The following ZNF682 variants were observed in gnomAD, a reference collection of about 807,000 sequenced individuals.
ZNF682 encodes the protein zinc finger protein 682.
In ZNF682, 29 loss-of-function variants were observed where a neutral mutation model predicts 36.5. The observed-to-expected ratio is 0.80, with a 90% CI of 0.59 to 1.08. ZNF682 has a LOEUF of 1.08. Ranked by LOEUF, ZNF682 falls within the 50% of genes least tolerant of loss-of-function variation. The pLI is 0.00. For synonymous variants in ZNF682, 180 were observed against 197.0 expected (o/e 0.91, Z 0.72); for missense variants, 561 against 579.7 (o/e 0.97, Z 0.33).
At chr19:20,024,438 GA>G in intron 1 of ZNF682, 62 bp from the exon 2 acceptor site, 3 of 1,533,272 alleles carry the variant, frequency 2.0e-6, no homozygotes, top group Non-Finnish European at 2.6e-6. Flanking sequence ...GACTCCATGT[GA>G]AAAGAGAGAA....
chr19:20,005,770 G>T lies in ZNF682; in HGVS notation c.*235C>A. 1 of 525,650 alleles carries T rather than the reference G, an allele frequency of 1.9e-6. No homozygotes were observed. Among genetic ancestry groups the T allele is most frequent in the South Asian group, 2.8e-5 (1 of 35,564 alleles). The allele number at this position is 525,650 out of a possible 1,614,324, so 32.6% of individuals were successfully genotyped here. A position where few individuals can be genotyped will look rare whatever the true frequency, so the allele number is the denominator to read the frequency against. On this transcript the variant is annotated 3_prime_UTR_variant, in exon 4 of 4. Coordinates refer to ENST00000397165, the MANE Select transcript of ZNF682 (RefSeq NM_033196.3). ...CTAGCACAAAACCTCTGATGAGTAAGTTCATAGTAGTTATTAAATGCTTTG... is the reference window on the plus strand; with the variant it reads ...CTAGCACAAAACCTCTGATGAGTAATTTCATAGTAGTTATTAAATGCTTTG...
chr19:20,039,504 G>A lies in ZNF682; in HGVS notation c.-159C>T, dbSNP rs2088565455. The A allele has an allele frequency of 3.2e-6, 3 of 944,744 alleles. No homozygotes were observed. In the South Asian group the frequency reaches 5.6e-5, roughly 18 times the overall value. The allele number at this position is 944,744 out of a possible 1,614,324, so 58.5% of individuals were successfully genotyped here. A position where few individuals can be genotyped will look rare whatever the true frequency, so the allele number is the denominator to read the frequency against. ...GAGCTCTGGCTGGAGCGAGACAAAG[G>A]CCCCGCCAGCTCCAGGACACCGCCC... On this transcript the variant is annotated 5_prime_UTR_variant, in exon 1 of 4. Coordinates refer to ENST00000397165, the MANE Select transcript of ZNF682 (RefSeq NM_033196.3).
chr19:20,012,016 G>A (rs533868495), intron 3 of ZNF682, among the ~76,000 whole-genome samples: 24 of 151,884 alleles, frequency 1.6e-4, no homozygotes, highest in African/African-American at 5.8e-4. Flanking sequence ...CAGCCTGGGT[G>A]ACAGAGTGAG....
At chr19:20,000,921 A>G (rs763185161), downstream of ZNF682, among the ~76,000 whole-genome samples, 4 of 152,204 alleles carry the variant, frequency 2.6e-5, no homozygotes, top group South Asian at 8.3e-4. Flanking sequence ...CTTGGCCAGC[A>G]CTGGGCTGTG....
In ZNF682 at chr19:20,006,469, C is replaced by T. The variant is rs1479077939; in HGVS notation, c.1033G>A (p.Glu345Lys). ...GATGAGTTAAAAGCTTTGCCACATT[C>T]TTCACATTTATAGGGTTTCTCTCCC... ...HTGEKPYKCE[E>K]CGKAFNSSSI... Residue 345 changes from glutamate (E) to lysine (K), a missense_variant, in exon 4 of 4, where the codon GAA (glutamate) becomes AAA (lysine). Transcript: ENST00000397165. 1 of 1,613,902 alleles carries T rather than the reference C, an allele frequency of 6.2e-7. No individual in the cohort carries two copies. Among genetic ancestry groups the T allele is most frequent in the Admixed American group, 1.7e-5 (1 of 59,998 alleles).
chr19:20,015,990 A>G (rs2088331357), intron 3 of ZNF682: 2 of 378,022 alleles, frequency 5.3e-6, no homozygotes, highest in Admixed American at 4.5e-5. Context: ...AAATGCAAAG[A>G]AAGCTTTTTA....
chr19:20,019,137 G>A (rs1205642075), intron 3 of ZNF682, among the ~76,000 whole-genome samples: 2 of 152,110 alleles, frequency 1.3e-5, no homozygotes, highest in Non-Finnish European at 2.9e-5. Flanking sequence ...ATAAGCATTT[G>A]AAAGGATGCT....
intron 2 of ZNF682, among the ~76,000 whole-genome samples, 161 bp downstream of exon 2, chr19:20,024,089 G>GA (rs2088410768): frequency 6.6e-6 from 1 of 152,176 alleles, no homozygotes; most frequent in Non-Finnish European, 1.5e-5. Flanking sequence ...AAAACATCTT[G>GA]AAAATTTTCT....
chr19:20,029,099 C>G (rs2088457332), intron 1 of ZNF682, among the ~76,000 whole-genome samples: 1 of 151,652 alleles, frequency 6.6e-6, no homozygotes, highest in African/African-American at 2.4e-5. Flanking sequence ...CTGCCTCAGC[C>G]TCCTGAGTCA....
chr19:20,025,159 C>T (rs937599077), intron 1 of ZNF682, among the ~76,000 whole-genome samples: 5 of 152,216 alleles, frequency 3.3e-5, no homozygotes, highest in African/African-American at 1.2e-4. Flanking sequence ...AGTGGTTGAG[C>T]CCCAGTTTAT....
intron 3 of ZNF682, among the ~76,000 whole-genome samples, chr19:19,999,399 G>A (rs796318000): frequency 9.1e-5 from 13 of 142,614 alleles, no homozygotes; most frequent in African/African-American, 3.5e-4. Flanking sequence ...TTGAAACACT[G>A]AAATTTCCTT....
chr19:20,003,682 G>C (rs2088186168), downstream of ZNF682, among the ~76,000 whole-genome samples: 1 of 151,044 alleles, frequency 6.6e-6, no homozygotes. Context: ...TCCAGCCTGG[G>C]TGACAGAGCA....
In ZNF682 at chr19:20,005,847, A is replaced by G. The variant is rs2088209921; in HGVS notation, c.*158T>C. ...CTCAGCATGAATTTTCTTCTGTGCA[A>G]TAAGCTGTCAGCAATGGTTGAAGAC... On this transcript the variant is annotated 3_prime_UTR_variant, in exon 4 of 4. Coordinates refer to ENST00000397165, the MANE Select transcript of ZNF682 (RefSeq NM_033196.3). 1.4e-6 allele frequency: 1 copy of G among 735,824 alleles called. No homozygotes were observed. Among genetic ancestry groups the G allele is most frequent in the South Asian group, 2.2e-5 (1 of 45,014 alleles). The allele number at this position is 735,824 out of a possible 1,614,324, so 45.6% of individuals were successfully genotyped here. A position where few individuals can be genotyped will look rare whatever the true frequency, so the allele number is the denominator to read the frequency against.
At chr19:20,024,432 C>T in intron 1 of ZNF682, 56 bp from the exon 2 acceptor site, 1 of 1,544,948 alleles carries the variant, frequency 6.5e-7, no homozygotes, top group Non-Finnish European at 8.7e-7. Context: ...GTTCTTGACT[C>T]CATGTGAAAA....
intron 3 of ZNF682, among the ~76,000 whole-genome samples, chr19:20,021,224 G>A (rs1175007271): frequency 5.3e-5 from 8 of 152,334 alleles, no homozygotes; most frequent in Non-Finnish European, 1.2e-4. Context: ...TTGGACAAAC[G>A]TGCTCCATAT....
At chr19:20,022,798 C>T (rs1032999952) in intron 3 of ZNF682, among the ~76,000 whole-genome samples, 1 of 152,250 alleles carries the variant, frequency 6.6e-6, no homozygotes, top group Non-Finnish European at 1.5e-5. Flanking sequence ...TTGGCTCTCA[C>T]TATAACCTCA....
downstream of ZNF682, among the ~76,000 whole-genome samples, chr19:20,000,075 A>T (rs2088155957): frequency 6.6e-6 from 1 of 152,248 alleles, no homozygotes; most frequent in South Asian, 2.1e-4. Flanking sequence ...GTGTGATTTC[A>T]TAATTACATA....
chr19:20,018,327 C>G (rs2088355854), intron 3 of ZNF682, among the ~76,000 whole-genome samples: 1 of 151,804 alleles, frequency 6.6e-6, no homozygotes, highest in Non-Finnish European at 1.5e-5. Flanking sequence ...ATCTCCTGAC[C>G]TCGTGATCCG....
chr19:20,006,701 G>C lies in ZNF682; in HGVS notation c.801C>G (p.His267Gln), dbSNP rs747731209. The C allele has an allele frequency of 1.2e-6, 2 of 1,613,342 alleles. No homozygotes were observed. Among genetic ancestry groups the C allele is most frequent in the South Asian group, 1.1e-5 (1 of 91,042 alleles). ...YKCEECGKAF[H>Q]WCSPFVRHKK... is the part of the protein sequence containing the mutation. ...TATGTCTAACAAAGGGTGAACACCAGTGAAAGGCTTTTCCACATTCTTCAC... is the reference window on the plus strand; with the variant it reads ...TATGTCTAACAAAGGGTGAACACCACTGAAAGGCTTTTCCACATTCTTCAC... Residue 267 changes from histidine to glutamine, a missense_variant, in exon 4 of 4, where the codon CAC (histidine) becomes CAG (glutamine). By Grantham distance (24) the His-to-Gln change is conservative. Coordinates refer to ENST00000397165, the MANE Select transcript of ZNF682 (RefSeq NM_033196.3).
Sources: allele counts gnomAD v4.1 joint callset (sites outside exome capture counted in the v4.1 genomes callset), GRCh38; gene constraint gnomAD v4.1.1; transcripts MANE v1.5; gene names NCBI Gene and HGNC (gene_info 2026-07-23, HGNC 2026-07-21).